The following SYNE1 variants were observed in gnomAD, a reference collection of about 807,000 sequenced individuals.
The protein encoded by SYNE1 is spectrin repeat containing nuclear envelope protein 1.
A neutral mutation model predicts 1,111.0 loss-of-function variants in SYNE1; 616 were observed. The ratio of observed to expected loss-of-function variants is 0.55; its 90% CI spans 0.52 to 0.59. The LOEUF is 0.59. Among genes scored for constraint, SYNE1 ranks in the 20% least tolerant of loss-of-function variants. The probability of loss-of-function intolerance (pLI) is 0.00; values close to 1 mark genes in which losing one functional copy is unlikely to be tolerated. For synonymous variants in SYNE1, 3,855 were observed against 3,825.8 expected, an observed-to-expected ratio of 1.01 and a Z score of -0.28; for missense variants, 10,006 against 10,417.0, an observed-to-expected ratio of 0.96 and a Z score of 1.72.
intron 6 of SYNE1, among the ~76,000 whole-genome samples, chr6:152,513,448 C>A (rs910120587): frequency 6.6e-6 from 1 of 152,078 alleles, no homozygotes; most frequent in South Asian, 2.1e-4. Flanking sequence ...CAGGTTCAAG[C>A]GATTCTCCTG....
At chr6:152,632,541 G>C (rs751122706) in intron 2 of SYNE1, among the ~76,000 whole-genome samples, 5 of 152,162 alleles carry the variant, frequency 3.3e-5, no homozygotes, top group Non-Finnish European at 7.3e-5. Context: ...CTTTATCCCA[G>C]CTAGTTGGGT....
At chr6:152,620,968 G>A (rs2099674089) in intron 3 of SYNE1, among the ~76,000 whole-genome samples, 1 of 152,120 alleles carries the variant, frequency 6.6e-6, no homozygotes, top group Non-Finnish European at 1.5e-5. Context: ...TTGTCATATT[G>A]TGCTATAAAG....
At chr6:152,259,725 T>C (rs1364568189) in intron 101 of SYNE1, among the ~76,000 whole-genome samples, 1 of 152,172 alleles carries the variant, frequency 6.6e-6, no homozygotes, top group Non-Finnish European at 1.5e-5. Flanking sequence ...ATCACTCCTT[T>C]CTGCCTGGAA....
chr6:152,491,560 T>C (rs1274248468), intron 11 of SYNE1, among the ~76,000 whole-genome samples: 1 of 152,190 alleles, frequency 6.6e-6, no homozygotes, highest in African/African-American at 2.4e-5. Flanking sequence ...CAACACTGCT[T>C]GGCCCCAATA....
chr6:152,634,583 C>T (rs920036982), intron 2 of SYNE1, among the ~76,000 whole-genome samples: 1 of 152,056 alleles, frequency 6.6e-6, no homozygotes, highest in African/African-American at 2.4e-5. Flanking sequence ...TAAATGTGTG[C>T]AGGTTATCAG....
chr6:152,391,253 G>A, intron 52 of SYNE1, 24 bp downstream of exon 52: 1 of 1,613,526 alleles, frequency 6.2e-7, no homozygotes, highest in South Asian at 1.1e-5. Context: ...GCAGTTGTCA[G>A]TGTCTGGCTG....
At chr6:152,380,899 T>A in intron 56 of SYNE1, 107 bp downstream of exon 56, 3 of 1,009,734 alleles carry the variant, frequency 3.0e-6, no homozygotes, top group South Asian at 1.3e-5. Flanking sequence ...CTTCCAAGTG[T>A]GCATGTTGCG....
Position 152,401,190 on chromosome 6 carries a change from G to A in SYNE1, c.6977C>T (p.Ser2326Leu), listed in dbSNP as rs752405422. 20 of 1,613,904 alleles carry A rather than the reference G, an allele frequency of 1.2e-5. No homozygotes were observed. The highest frequency in any genetic ancestry group is 1.5e-5 in the Non-Finnish European group (18 of 1,180,014). Residue 2326 changes from serine (S) to leucine (L), a missense_variant, in exon 47 of 146, where the codon TCG becomes TTG. By Grantham distance (145) the Ser-to-Leu change is moderately radical (BLOSUM62 -2). This residue lies in a region of SYNE1 where 4,955 missense variants were observed against 5,017.2 expected (regional missense o/e 0.99). Transcript: ENST00000367255. ...CTCATTTTGGGCACAGTTCATCAACGATTCTTCCACTTTTGTGAACCATGT... is the reference window on the plus strand; with the variant it reads ...CTCATTTTGGGCACAGTTCATCAACAATTCTTCCACTTTTGTGAACCATGT... ...ITTWFTKVEE[S>L]LMNCAQNETC...
At position 152,239,638 on chromosome 6, in the gene SYNE1, A is replaced by G; in HGVS notation, c.19962T>C (p.Phe6654=). ...GGAACTGGGTTTCCTTTTGGACTGCAAAGCTGATTATCTTTCTGAAGAGTG... is the reference window on the plus strand; with the variant it reads ...GGAACTGGGTTTCCTTTTGGACTGCGAAGCTGATTATCTTTCTGAAGAGTG... The part of the protein sequence containing the change: ...TETLFRKIIS[F]AVQKETQFHT... Residue 6654 remains phenylalanine, a synonymous_variant, in exon 108 of 146, where the codon TTT becomes TTC. Transcript: ENST00000367255. 2 of 1,614,226 alleles carry G rather than the reference A, an allele frequency of 1.2e-6. No homozygotes were observed. The highest frequency in any genetic ancestry group is 8.5e-7 in the Non-Finnish European group (1 of 1,180,042).
chr6:152,243,861 T>G (rs1244746012), intron 106 of SYNE1, among the ~76,000 whole-genome samples: 1 of 152,212 alleles, frequency 6.6e-6, no homozygotes, highest in East Asian at 1.9e-4. Flanking sequence ...GCCTAGTTGA[T>G]GCTAAATTTT....
At chr6:152,260,423 G>A (rs1224951883) in intron 101 of SYNE1, among the ~76,000 whole-genome samples, 1 of 152,104 alleles carries the variant, frequency 6.6e-6, no homozygotes, top group Non-Finnish European at 1.5e-5. Flanking sequence ...CATTTGCCAG[G>A]GTGGATACGA....
At chr6:152,555,216 A>G (rs1237943961) in intron 3 of SYNE1, among the ~76,000 whole-genome samples, 1 of 152,208 alleles carries the variant, frequency 6.6e-6, no homozygotes, top group Non-Finnish European at 1.5e-5. Context: ...ATTGGAAAAG[A>G]TATTCTGTTT....
chr6:152,161,746 G>T (rs1390726927), intron 131 of SYNE1, among the ~76,000 whole-genome samples: 1 of 152,074 alleles, frequency 6.6e-6, no homozygotes, highest in Non-Finnish European at 1.5e-5. Flanking sequence ...TATGTCAACT[G>T]GGAGGCTTCC....
chr6:152,534,628 T>TG (rs202067843), intron 4 of SYNE1, among the ~76,000 whole-genome samples: 7,135 of 152,196 alleles, frequency 0.047, 228 homozygotes, highest in Non-Finnish European at 0.066. Context: ...AAAAATTATT[T>TG]GGGGGGGTGA....
In SYNE1 at chr6:152,362,252, T is replaced by G. The variant is rs546645393; in HGVS notation, c.10217A>C (p.Asp3406Ala). The change falls in exon 64 of 146, where the codon GAT becomes GCT. Residue 3406 changes from aspartate (D) to alanine (A), a missense_variant. Around this residue, in one of 7 missense-constraint regions of SYNE1, gnomAD observed 4,955 missense variants for 5,017.2 expected, o/e 0.99. Coordinates refer to ENST00000367255, the MANE Select transcript of SYNE1 (RefSeq NM_182961.4). ...TTCATTCAGGTTGGCTTCCATACTATCCATCCAACCGGAGAACTGTCGAAC... is the reference window on the plus strand; with the variant it reads ...TTCATTCAGGTTGGCTTCCATACTAGCCATCCAACCGGAGAACTGTCGAAC... ...DGVRQFSGWMDSMEANLNESE... is the reference protein window; with the variant it reads ...DGVRQFSGWMASMEANLNESE... 28 of 1,614,192 alleles carry G rather than the reference T, an allele frequency of 1.7e-5. No homozygotes were observed. In the African/African-American group the frequency reaches 3.1e-4, roughly 18 times the overall value.
Position 152,336,846 on chromosome 6 carries a change from C to T in SYNE1, c.12523G>A (p.Val4175Ile), listed in dbSNP as rs1228321302. ...LNIAQNMVSQ[V>I]KDFVKKLQSK... ...GGGGGCAAATTAATTCCCACCTTAA[C>T]TTGTGAAACCATGTTCTGTGCAATG... is the stretch of plus-strand genomic sequence containing the variant. The change falls in exon 76 of 146, where the codon GTT becomes ATT. Residue 4175 changes from valine to isoleucine, a missense_variant. Transcript: ENST00000367255. 1.2e-6 allele frequency: 2 copies of T among 1,613,282 alleles called. No individual in the cohort carries two copies. The highest frequency in any genetic ancestry group is 1.1e-5 in the South Asian group (1 of 91,086).
chr6:152,219,398 A>T (rs2079541543), intron 119 of SYNE1, among the ~76,000 whole-genome samples: 1 of 152,080 alleles, frequency 6.6e-6, no homozygotes, highest in Non-Finnish European at 1.5e-5. Flanking sequence ...ATACACATAT[A>T]ACCTATGGCT....
At chr6:152,445,183 G>C (rs17082695) in intron 29 of SYNE1, among the ~76,000 whole-genome samples, 5 of 151,614 alleles carry the variant, frequency 3.3e-5, no homozygotes, top group Non-Finnish European at 7.4e-5. Context: ...TTATAATTGC[G>C]TGACTAAAAC....
At chr6:152,235,636 C>G (rs1014074838) in intron 110 of SYNE1, among the ~76,000 whole-genome samples, 1 of 152,236 alleles carries the variant, frequency 6.6e-6, no homozygotes, top group Non-Finnish European at 1.5e-5. Flanking sequence ...GTTGGGATTA[C>G]AGGCGTGAGC....
Sources: allele counts gnomAD v4.1 joint callset (sites outside exome capture counted in the v4.1 genomes callset), GRCh38; gene constraint gnomAD v4.1.1; regional missense constraint gnomAD v4.1.1; transcripts MANE v1.5; gene names NCBI Gene and HGNC (gene_info 2026-07-23, HGNC 2026-07-21).